The following PIK3C2G variants were observed in gnomAD, a reference collection of about 807,000 sequenced individuals.
PIK3C2G encodes phosphatidylinositol-4-phosphate 3-kinase catalytic subunit type 2 gamma, also known as phosphatidylinositol 3-kinase C2 domain-containing subunit gamma.
A neutral mutation model predicts 181.1 loss-of-function variants in PIK3C2G; 168 were observed. The ratio of observed to expected loss-of-function variants is 0.93; its 90% CI spans 0.82 to 1.05. The LOEUF is 1.05. Ranked by LOEUF, PIK3C2G falls within the 50% of genes least tolerant of loss-of-function variation. The pLI is 0.00. For missense variants in PIK3C2G, 1,869 were observed against 1,732.8 expected (o/e 1.08, Z -1.40); for synonymous variants, 573 against 592.2 (o/e 0.97, Z 0.47).
At chr12:18,590,793 A>G (rs75284733) in intron 29 of PIK3C2G, among the ~76,000 whole-genome samples, 2,401 of 151,910 alleles carry the variant, frequency 0.016, 66 homozygotes, top group African/African-American at 0.055. Context: ...TTGACTCTGG[A>G]TCTTGTTTGT....
At chr12:18,469,906 C>T (rs1351194607) in intron 18 of PIK3C2G, among the ~76,000 whole-genome samples, 1 of 135,356 alleles carries the variant, frequency 7.4e-6, no homozygotes, top group Non-Finnish European at 1.6e-5. Context: ...AATGCAGCCA[C>T]CTGCTACTCT....
intron 24 of PIK3C2G, among the ~76,000 whole-genome samples, chr12:18,508,802 A>G (rs1230926109): frequency 2.0e-5 from 3 of 152,158 alleles, no homozygotes; most frequent in Admixed American, 2.0e-4. Flanking sequence ...AGATTTATAA[A>G]TCATGCCCTA....
chr12:18,533,112 A>G (rs1943647352), intron 24 of PIK3C2G, among the ~76,000 whole-genome samples: 1 of 152,034 alleles, frequency 6.6e-6, no homozygotes, highest in Non-Finnish European at 1.5e-5. Flanking sequence ...TAATTTCCAG[A>G]GTTCTTAATA....
At chr12:18,570,867 G>A (rs926765564) in intron 29 of PIK3C2G, among the ~76,000 whole-genome samples, 6 of 150,750 alleles carry the variant, frequency 4.0e-5, no homozygotes, top group Admixed American at 2.0e-4. Flanking sequence ...GCAGAGAACC[G>A]AAAACTGTCA....
intron 24 of PIK3C2G, among the ~76,000 whole-genome samples, chr12:18,527,504 T>G (rs983682933): frequency 6.6e-6 from 1 of 152,186 alleles, no homozygotes; most frequent in Non-Finnish European, 1.5e-5. Flanking sequence ...TTCAACCTGA[T>G]TTTAGAAACT....
chr12:18,524,081 C>T (rs571152014), intron 24 of PIK3C2G, among the ~76,000 whole-genome samples: 1 of 152,150 alleles, frequency 6.6e-6, no homozygotes, highest in Non-Finnish European at 1.5e-5. Flanking sequence ...TTCTTTTTTT[C>T]TAAATGAGCC....
intron 1 of PIK3C2G, among the ~76,000 whole-genome samples, chr12:18,275,305 T>C (rs1206322637): frequency 6.6e-6 from 1 of 152,194 alleles, no homozygotes; most frequent in African/African-American, 2.4e-5. Context: ...TGTAACAAAG[T>C]GCCTTCTCAT....
intron 11 of PIK3C2G, among the ~76,000 whole-genome samples, chr12:18,349,296 T>C (rs1304775262): frequency 6.6e-6 from 1 of 152,090 alleles, no homozygotes; most frequent in Non-Finnish European, 1.5e-5. Flanking sequence ...TCCAGAAGCA[T>C]AGGTACTGAC....
chr12:18,325,150 T>C lies in PIK3C2G; in HGVS notation c.1272+52T>C, dbSNP rs1951281726. On this transcript the variant is annotated intron_variant, in intron 8 of 32. Transcript: ENST00000538779. Reference sequence around the variant, plus strand: ...CAATTCAGTAAGCGTTTTTAACGCATCTACTATTTTTCTAAAACTTTGCAA... The same window carrying C: ...CAATTCAGTAAGCGTTTTTAACGCACCTACTATTTTTCTAAAACTTTGCAA... The C allele has an allele frequency of 3.0e-6, 3 of 1,006,862 alleles. No individual in the cohort carries two copies. The South Asian group carries it at 4.3e-5, about 15-fold the overall frequency. The allele number at this position is 1,006,862 out of a possible 1,614,324, so 62.4% of individuals were successfully genotyped here.
At chr12:18,594,447 AC>A (rs772294314) in intron 29 of PIK3C2G, 46 bp from the exon 30 acceptor site, 1 of 1,165,944 alleles carries the variant, frequency 8.6e-7, no homozygotes, top group East Asian at 2.7e-5. Flanking sequence ...AATAGCAGTA[AC>A]AAATATAAGA....
chr12:18,442,925 G>A (rs1304951274), intron 18 of PIK3C2G, among the ~76,000 whole-genome samples: 1 of 151,374 alleles, frequency 6.6e-6, no homozygotes, highest in African/African-American at 2.4e-5. Context: ...AGGCTGGAGT[G>A]CAATGGTGCA....
chr12:18,556,064 A>G (rs757875496), intron 26 of PIK3C2G, among the ~76,000 whole-genome samples: 1 of 152,158 alleles, frequency 6.6e-6, no homozygotes, highest in Non-Finnish European at 1.5e-5. Context: ...ACCTCCCAGC[A>G]CATAGAATAG....
chr12:18,456,417 G>C (rs1351908420), intron 18 of PIK3C2G, among the ~76,000 whole-genome samples: 1 of 152,134 alleles, frequency 6.6e-6, no homozygotes, highest in Non-Finnish European at 1.5e-5. Flanking sequence ...GGGCTCCCAA[G>C]TGGGTCTTCC....
At chr12:18,334,074 G>A (rs536742174) in intron 8 of PIK3C2G, among the ~76,000 whole-genome samples, 1 of 152,060 alleles carries the variant, frequency 6.6e-6, no homozygotes, top group African/African-American at 2.4e-5. Flanking sequence ...TATTTCCAAC[G>A]ATAAGCTTAG....
chr12:18,321,093 T>G, intron 7 of PIK3C2G, 61 bp downstream of exon 7: 1 of 856,414 alleles, frequency 1.2e-6, no homozygotes, highest in Non-Finnish European at 1.9e-6. Context: ...ATGTCAAATC[T>G]CAGTATTTTT....
At chr12:18,490,091 C>T (rs1410907937) in intron 19 of PIK3C2G, among the ~76,000 whole-genome samples, 2 of 151,946 alleles carry the variant, frequency 1.3e-5, no homozygotes, top group Non-Finnish European at 2.9e-5. Flanking sequence ...CTTAAAAAAG[C>T]ACTAATTAAG....
At chr12:18,509,377 T>C (rs553733906) in intron 24 of PIK3C2G, among the ~76,000 whole-genome samples, 35 of 152,364 alleles carry the variant, frequency 2.3e-4, no homozygotes, top group Admixed American at 1.5e-3. Context: ...TATTAACTAA[T>C]TCATTGTGTA....
At chr12:18,344,978 G>T (rs2137650209) in intron 10 of PIK3C2G, among the ~76,000 whole-genome samples, 1 of 152,174 alleles carries the variant, frequency 6.6e-6, no homozygotes, top group African/African-American at 2.4e-5. Flanking sequence ...TGCATGAAAA[G>T]CAAAAAGTAG....
At chr12:18,405,266 T>C (rs189096537) in intron 16 of PIK3C2G, among the ~76,000 whole-genome samples, 120 of 152,166 alleles carry the variant, frequency 7.9e-4, no homozygotes, top group African/African-American at 2.8e-3. Context: ...AAAAACAATG[T>C]GGGAGTTGTT....
Sources: allele counts gnomAD v4.1 joint callset (sites outside exome capture counted in the v4.1 genomes callset), GRCh38; gene constraint gnomAD v4.1.1; transcripts MANE v1.5; gene names NCBI Gene and HGNC (gene_info 2026-07-23, HGNC 2026-07-21).